The following CR1 variants were observed in gnomAD, a reference collection of about 807,000 sequenced individuals.
CR1 encodes the protein complement receptor type 1.
A neutral mutation model predicts 187.3 loss-of-function variants in CR1; 116 were observed. That is an observed-to-expected ratio of 0.62 (90% CI 0.53 to 0.72). The LOEUF is 0.72. CR1 is among the 30% of genes least tolerant of loss of function. The pLI is 0.00. For missense variants in CR1, 1,731 were observed against 2,110.7 expected, an observed-to-expected ratio of 0.82 and a Z score of 3.52; for synonymous variants, 576 against 747.1, an observed-to-expected ratio of 0.77 and a Z score of 3.73.
intron 3 of CR1, 138 bp downstream of exon 3, chr1:207,506,951 C>A: frequency 1.5e-6 from 1 of 669,290 alleles, no homozygotes; most frequent in South Asian, 2.2e-5. Flanking sequence ...AGATGTTTAG[C>A]TCCTGACTGA....
At chr1:207,592,551 C>G (rs1661303103) in intron 35 of CR1, among the ~76,000 whole-genome samples, 1 of 152,194 alleles carries the variant, frequency 6.6e-6, no homozygotes, top group Non-Finnish European at 1.5e-5. Context: ...AGGATGCCCT[C>G]TCTCACCACT....
chr1:207,617,513 G>A (rs1314097082), intron 41 of CR1, among the ~76,000 whole-genome samples: 1,054 of 58,750 alleles, frequency 0.018, 84 homozygotes, highest in African/African-American at 0.061. Flanking sequence ...ATATATGTGT[G>A]TGTGTGTGTG....
chr1:207,612,282 G>C (rs1661957913), intron 39 of CR1, among the ~76,000 whole-genome samples: 1 of 152,180 alleles, frequency 6.6e-6, no homozygotes, highest in Non-Finnish European at 1.5e-5. Flanking sequence ...CACTGATCTT[G>C]AGTACACAGT....
At chr1:207,598,577 G>A (rs546007390) in intron 35 of CR1, among the ~76,000 whole-genome samples, 4 of 152,100 alleles carry the variant, frequency 2.6e-5, no homozygotes, top group South Asian at 4.2e-4. Context: ...GCGCCACCAC[G>A]CTGAGCTCAT....
rs187304193 is a variant in CR1, at chr1:207,526,193, G to A, written c.887-560G>A. 2.1e-3 allele frequency among the ~76,000 whole-genome samples: 312 copies of A among 152,180 alleles called. 6 individuals are homozygous for A. Among genetic ancestry groups the A allele is most frequent in the African/African-American group, 7.3e-3 (303 of 41,422 alleles). Reference sequence around the variant, plus strand: ...TAGGCAGCACCTTGCTACATAGCATGAGGAGAGGAGACCCATAGTTCTTTA... The same window carrying A: ...TAGGCAGCACCTTGCTACATAGCATAAGGAGAGGAGACCCATAGTTCTTTA... On this transcript the variant is annotated intron_variant, in intron 5 of 46. Transcript: ENST00000367049.
chr1:207,607,977 G>A (rs945252178), intron 36 of CR1, among the ~76,000 whole-genome samples: 1 of 152,142 alleles, frequency 6.6e-6, no homozygotes, highest in Non-Finnish European at 1.5e-5. Flanking sequence ...GCAAAAGTAG[G>A]CACAGACTTC....
In CR1 at chr1:207,630,590, C is replaced by T. The variant is rs777810077; in HGVS notation, c.7426C>T (p.Arg2476Ter). The T allele has an allele frequency of 2.6e-5, 42 of 1,608,790 alleles. No homozygotes were observed. Among genetic ancestry groups the T allele is most frequent in the Admixed American group, 6.8e-5 (4 of 59,152 alleles). ...HSQGGSSVHP[R>*]TLQTNEENSR... is the part of the protein sequence containing the mutation. ...TCAAGGAGGCAGCAGCGTTCATCCC[C>T]GAACTCTGCAAACAAATGAAGAAAA... Residue 2476 changes from arginine (R) to a stop codon, truncating the protein, a stop_gained, in exon 46 of 47, where the codon CGA becomes TGA. Coordinates refer to ENST00000367049, the MANE Select transcript of CR1 (RefSeq NM_000651.6). LOFTEE classifies it high-confidence loss of function.
Position 207,581,994 on chromosome 1 carries a change from G to C in CR1, c.5293G>C (p.Val1765Leu). The change falls in exon 32 of 47, where the codon GTG becomes CTG. Residue 1765 changes from valine (V) to leucine (L), a missense_variant. Coordinates refer to ENST00000367049, the MANE Select transcript of CR1 (RefSeq NM_000651.6). ...MRSLWNNSVP[V>L]CEHIFCPNPP... ...AAGCCTTTGGAATAACAGTGTTCCT[G>C]TGTGTGAACGTGAGTAGATGGAATA... 1 of 1,609,144 alleles carries C rather than the reference G, an allele frequency of 6.2e-7. No individual in the cohort carries two copies. Among genetic ancestry groups the C allele is most frequent in the Admixed American group, 1.7e-5 (1 of 59,902 alleles).
At chr1:207,580,705 A>T in intron 31 of CR1, 92 bp downstream of exon 31, 1 of 1,170,298 alleles carries the variant, frequency 8.5e-7, no homozygotes, top group Non-Finnish European at 1.2e-6. Flanking sequence ...CTGACCTAGG[A>T]GAAGAAGAAT....
Position 207,609,704 on chromosome 1 carries a change from CA to C in CR1, c.6295+18del. The C allele has an allele frequency of 6.5e-7, 1 of 1,543,774 alleles. No homozygotes were observed. Among genetic ancestry groups the C allele is most frequent in the Non-Finnish European group, 8.7e-7 (1 of 1,148,074 alleles). ...TGCTCCAGGGGTGAGTGTGACCCAT[CA>C]AGACTTTGCTGGGTGTGAGGGTACG... On this transcript the variant is annotated intron_variant, in intron 37 of 46. Transcript: ENST00000367049.
chr1:207,588,845 A>G, intron 35 of CR1, 71 bp downstream of exon 35: 3 of 1,032,442 alleles, frequency 2.9e-6, no homozygotes, highest in Non-Finnish European at 2.9e-6. Flanking sequence ...CCAGTCTCAG[A>G]TAGACAAACT....
At position 207,519,159 on chromosome 1, in the gene CR1, T is replaced by C. The variant is rs796256034; in HGVS notation, c.488-4452T>C. 5.3e-5 allele frequency among the ~76,000 whole-genome samples: 8 copies of C among 152,276 alleles called. 1 individual carries two copies. Among genetic ancestry groups the C allele is most frequent in the African/African-American group, 1.9e-4 (8 of 41,584 alleles). On this transcript the variant is annotated intron_variant, in intron 4 of 46. Coordinates refer to ENST00000367049, the MANE Select transcript of CR1 (RefSeq NM_000651.6). ...AGCTTTCTTTATTGTTTTTATATTATATGTGTTTTAAATCTTTTACTTTCA... is the reference window on the plus strand; with the variant it reads ...AGCTTTCTTTATTGTTTTTATATTACATGTGTTTTAAATCTTTTACTTTCA...
In CR1 at chr1:207,523,990, G is replaced by A. The variant is rs1281595817; in HGVS notation, c.867G>A (p.Glu289=). ...AGGCCCTGAACAAATGGGAGCCGGA[G>A]CTACCAAGCTGCTCCAGGGGTGAGT... is the stretch of plus-strand genomic sequence containing the variant. ...KCQALNKWEP[E]LPSCSRVCQP... is the part of the protein sequence containing the mutation. The change falls in exon 5 of 47, where the codon GAG becomes GAA. Residue 289 remains glutamate, a synonymous_variant. Transcript: ENST00000367049. The A allele has an allele frequency of 6.2e-7, 1 of 1,611,822 alleles. No homozygotes were observed. The highest frequency in any genetic ancestry group is 8.5e-7 in the Non-Finnish European group (1 of 1,179,732).
chr1:207,605,337 CCACA>C (rs61201153), intron 35 of CR1, among the ~76,000 whole-genome samples: 40,724 of 142,568 alleles, frequency 0.29, 6,462 homozygotes, highest in South Asian at 0.44. Context: ...AATATTCTCA[CCACA>C]CACACACACA....
chr1:207,633,281 A>C (rs183422660), intron 46 of CR1, among the ~76,000 whole-genome samples: 1 of 152,208 alleles, frequency 6.6e-6, no homozygotes, highest in Non-Finnish European at 1.5e-5. Flanking sequence ...TAACAGTAAT[A>C]TCTCATCATT....
At position 207,639,662 on chromosome 1, in the gene CR1, G is replaced by C. The variant is rs1285383963; in HGVS notation, c.*253G>C. On this transcript the variant is annotated 3_prime_UTR_variant, in exon 47 of 47. Transcript: ENST00000367049. Reference sequence around the variant, plus strand: ...CACACAGTATCTAGTCAGGGGAAAAGACTGCATTTAGGAGATAGAAAATAG... The same window carrying C: ...CACACAGTATCTAGTCAGGGGAAAACACTGCATTTAGGAGATAGAAAATAG... 2.4e-6 allele frequency: 1 copy of C among 414,068 alleles called. No homozygotes were observed. Among genetic ancestry groups the C allele is most frequent in the Admixed American group, 3.8e-5 (1 of 26,026 alleles). The allele number at this position is 414,068 out of a possible 1,614,324, so 25.6% of individuals were successfully genotyped here.
intron 29 of CR1, among the ~76,000 whole-genome samples, chr1:207,578,471 A>T (rs769217162): frequency 6.6e-6 from 1 of 152,222 alleles, no homozygotes. Context: ...TACCAGCTGC[A>T]ATCTCTCTCA....
rs766940813 is a variant in CR1, at chr1:207,575,639, G to A, written c.4496G>A (p.Gly1499Asp). 6.8e-6 allele frequency: 11 copies of A among 1,611,782 alleles called. No individual in the cohort carries two copies. The highest frequency in any genetic ancestry group is 8.5e-6 in the Non-Finnish European group (10 of 1,179,694). The change falls in exon 28 of 47, where the codon GGC (glycine) becomes GAC (aspartate). Residue 1499 changes from glycine to aspartate, a missense_variant. Physicochemically the swap from Gly to Asp is moderately conservative, Grantham distance 94 (BLOSUM62 -1). This residue lies in a region of CR1 where 1,312 missense variants were observed against 1,379.6 expected (regional missense o/e 0.95). Coordinates refer to ENST00000367049, the MANE Select transcript of CR1 (RefSeq NM_000651.6). ...TCATCTGCTGAATGTATCCTCTCAG[G>A]CAATACTGCCCATTGGAGCACGAAG... ...GHSSAECILS[G>D]NTAHWSTKPP... is the part of the protein sequence containing the mutation.
rs1467068220 is a variant in CR1 at position 207,616,811 on chromosome 1, C to G, written c.6889+9C>G. On this transcript the variant is annotated intron_variant, in intron 41 of 46. Coordinates refer to ENST00000367049, the MANE Select transcript of CR1 (RefSeq NM_000651.6). ...ACTTTCTGTTCCTGCTGGTTAGTAC[C>G]TGCTTCCACATATCCTAAATGGGTT... 1 of 1,613,468 alleles carries G rather than the reference C, an allele frequency of 6.2e-7. No individual in the cohort carries two copies. Among genetic ancestry groups the G allele is most frequent in the African/African-American group, 1.3e-5 (1 of 74,922 alleles).
Sources: gnomAD v4.1 joint callset for allele counts (sites outside exome capture counted in the v4.1 genomes callset) on GRCh38, gnomAD v4.1.1 for gene constraint, gnomAD v4.1.1 regional missense constraint, MANE v1.5 for transcripts, NCBI Gene and HGNC (gene_info 2026-07-23, HGNC 2026-07-21) for gene names.